Variants in PPIP5K2 observed in about 807,000 individuals in gnomAD.
PPIP5K2 encodes the protein diphosphoinositol pentakisphosphate kinase 2.
Under a neutral mutation model 154.6 loss-of-function variants are expected in PPIP5K2, and 105 were observed. The ratio of observed to expected loss-of-function variants is 0.68; its 90% CI spans 0.58 to 0.80. The LOEUF is 0.80. Among genes scored for constraint, PPIP5K2 ranks in the 30% least tolerant of loss-of-function variants. The probability of loss-of-function intolerance (pLI) is 0.00; values close to 1 mark genes in which losing one functional copy is unlikely to be tolerated. For synonymous variants in PPIP5K2, 480 were observed against 490.3 expected (o/e 0.98, Z 0.28); for missense variants, 992 against 1,504.6 (o/e 0.66, Z 5.64).
intron 5 of PPIP5K2, among the ~76,000 whole-genome samples, chr5:103,142,775 C>CAAAA (rs70990422): frequency 3.6e-5 from 5 of 138,208 alleles, no homozygotes; most frequent in African/African-American, 1.1e-4. Flanking sequence ...GACTCCGTCT[C>CAAAA]AAAAAAAAAA....
At position 103,205,014 on chromosome 5, in the gene PPIP5K2, C is replaced by G. The variant is rs986355977; in HGVS notation, c.*3380C>G. On this transcript the variant is annotated 3_prime_UTR_variant, in exon 31 of 31. Transcript: ENST00000358359. ...ATGCTATCCCTCCCCCAGCCCCCCA[C>G]CCACTGACAGGCCCAGTGTGTGATG... 6.6e-6 allele frequency: 1 copy of G among 151,998 alleles called. No individual in the cohort carries two copies. The highest frequency in any genetic ancestry group is 1.5e-5 in the Non-Finnish European group (1 of 68,032). The allele number at this position is 151,998 out of a possible 1,614,324, so 9.4% of individuals were successfully genotyped here.
At chr5:103,125,453 T>C (rs1373961939) in intron 1 of PPIP5K2, among the ~76,000 whole-genome samples, 1 of 137,520 alleles carries the variant, frequency 7.3e-6, no homozygotes, top group African/African-American at 2.7e-5. Context: ...CACTAGCCTG[T>C]TCAGTTTTTT....
At chr5:103,199,850 T>TTA (rs1802698240) in intron 30 of PPIP5K2, among the ~76,000 whole-genome samples, 1 of 152,206 alleles carries the variant, frequency 6.6e-6, no homozygotes. Flanking sequence ...CGTTATAAAC[T>TTA]TATGTTTCTT....
chr5:103,186,526 A>G (rs1163852334), intron 27 of PPIP5K2, 87 bp downstream of exon 27: 1 of 1,555,920 alleles, frequency 6.4e-7, no homozygotes, highest in Non-Finnish European at 8.8e-7. Flanking sequence ...ATCTAAGGCC[A>G]CTGACTGATT....
chr5:103,193,282 T>C (rs1554227452), intron 29 of PPIP5K2, among the ~76,000 whole-genome samples: 1 of 152,122 alleles, frequency 6.6e-6, no homozygotes, highest in Non-Finnish European at 1.5e-5. Flanking sequence ...ACTGTAGGAA[T>C]ACTATTTATT....
intron 28 of PPIP5K2, among the ~76,000 whole-genome samples, chr5:103,188,164 C>A (rs1355268394): frequency 6.6e-6 from 1 of 152,114 alleles, no homozygotes; most frequent in Non-Finnish European, 1.5e-5. Context: ...ATTACAACTT[C>A]TAACATAGAG....
chr5:103,152,604 C>T lies in PPIP5K2; in HGVS notation c.1029-44C>T, dbSNP rs782447391. 4 of 1,296,206 alleles carry T rather than the reference C, an allele frequency of 3.1e-6. No individual in the cohort carries two copies. The Admixed American group carries it at 6.9e-5, about 22-fold the overall frequency. The allele number at this position is 1,296,206 out of a possible 1,614,324, so 80.3% of individuals were successfully genotyped here. The stretch of plus-strand genomic sequence containing the variant: ...ATCCTCATTAAGTACCCAGTTTTGT[C>T]TTAAAACGTACTAATTTTAAATCTT... On this transcript the variant is annotated intron_variant, in intron 9 of 30. Coordinates refer to ENST00000358359, the MANE Select transcript of PPIP5K2 (RefSeq NM_001276277.3).
chr5:103,168,060 A>G lies in PPIP5K2; in HGVS notation c.2063-12A>G, dbSNP rs541586070. The stretch of plus-strand genomic sequence containing the variant: ...TTAAGTTGCATAAACTAAAAATGTT[A>G]TGTTGTTTTAGATATTCAGCTTTAC... On this transcript the variant is annotated splice_polypyrimidine_tract_variant and intron_variant, in intron 18 of 30. Coordinates refer to ENST00000358359, the MANE Select transcript of PPIP5K2 (RefSeq NM_001276277.3). The G allele has an allele frequency of 3.3e-6, 5 of 1,538,424 alleles. No homozygotes were observed. In the South Asian group the frequency reaches 5.9e-5, roughly 18 times the overall value.
rs1387824470 is a variant in PPIP5K2, at chr5:103,152,741, T to C, written c.1122T>C (p.Ser374=). The part of the protein sequence containing the change: ...AEDIPIVPTT[S]GTMMELRCVI... ...ATATCCCAATTGTACCAACTACATC[T>C]GGAACTATGTAAGTCTGAATTATTT... is the stretch of plus-strand genomic sequence containing the variant. Residue 374 remains serine (S), a synonymous_variant, in exon 10 of 31, where the codon TCT becomes TCC. Coordinates refer to ENST00000358359, the MANE Select transcript of PPIP5K2 (RefSeq NM_001276277.3). 7 of 1,546,570 alleles carry C rather than the reference T, an allele frequency of 4.5e-6. No homozygotes were observed. In the African/African-American group the frequency reaches 8.2e-5, roughly 18 times the overall value.
At chr5:103,153,505 A>ATTTGATTTAATTAG (rs1291186591) in intron 10 of PPIP5K2, among the ~76,000 whole-genome samples, 4 of 151,946 alleles carry the variant, frequency 2.6e-5, no homozygotes, top group Non-Finnish European at 5.9e-5. Flanking sequence ...ATGAAGTCTC[A>ATTTGATTTAATTAG]GTCTGTAGTG....
At chr5:103,162,683 A>C (rs1796488272) in intron 17 of PPIP5K2, among the ~76,000 whole-genome samples, 2 of 152,116 alleles carry the variant, frequency 1.3e-5, no homozygotes, top group African/African-American at 4.8e-5. Context: ...TTTGATAAGC[A>C]AAAGTTATAG....
chr5:103,177,346 C>G (rs185809251), intron 21 of PPIP5K2, among the ~76,000 whole-genome samples: 5 of 151,878 alleles, frequency 3.3e-5, no homozygotes, highest in Admixed American at 3.3e-4. Context: ...ATCTGAAAAC[C>G]CAAAATTCTC....
At chr5:103,171,513 T>G (rs1394645187) in intron 19 of PPIP5K2, among the ~76,000 whole-genome samples, 1 of 151,560 alleles carries the variant, frequency 6.6e-6, no homozygotes, top group Admixed American at 6.6e-5. Flanking sequence ...GCACAAATAT[T>G]GAAACTACAT....
intron 30 of PPIP5K2, among the ~76,000 whole-genome samples, chr5:103,198,824 T>C (rs1041159952): frequency 6.6e-6 from 1 of 152,192 alleles, no homozygotes; most frequent in African/African-American, 2.4e-5. Context: ...TACTTTCTTA[T>C]GTTTTCTGTT....
At chr5:103,167,711 A>AT (rs1384700175) in intron 18 of PPIP5K2, among the ~76,000 whole-genome samples, 12 of 151,864 alleles carry the variant, frequency 7.9e-5, no homozygotes, top group Admixed American at 6.6e-4. Flanking sequence ...CATTTGGACT[A>AT]TTTTTAATGT....
At chr5:103,150,622 A>T (rs1386718612) in intron 8 of PPIP5K2, among the ~76,000 whole-genome samples, 2 of 151,898 alleles carry the variant, frequency 1.3e-5, no homozygotes, top group African/African-American at 4.8e-5. Flanking sequence ...AAAATACAAA[A>T]ATTAGCCTTG....
chr5:103,147,913 G>A lies in PPIP5K2; in HGVS notation c.643-18G>A. The A allele has an allele frequency of 6.7e-7, 1 of 1,487,610 alleles. No homozygotes were observed. The highest frequency in any genetic ancestry group is 1.8e-4 in the Middle Eastern group (1 of 5,678). The allele number at this position is 1,487,610 out of a possible 1,614,324, so 92.2% of individuals were successfully genotyped here. A position where few individuals can be genotyped will look rare whatever the true frequency, so the allele number is the denominator to read the frequency against. ...AATAATTTGCTTTTTTATATCGATG[G>A]ACATCTTTTGTTTTCAGATTGGCAG... is the stretch of plus-strand genomic sequence containing the variant. On this transcript the variant is annotated intron_variant, in intron 6 of 30. Coordinates refer to ENST00000358359, the MANE Select transcript of PPIP5K2 (RefSeq NM_001276277.3).
chr5:103,194,171 G>GT (rs1315725277), intron 29 of PPIP5K2, among the ~76,000 whole-genome samples: 1 of 151,196 alleles, frequency 6.6e-6, no homozygotes, highest in East Asian at 1.9e-4. Flanking sequence ...CTGTCTCTTT[G>GT]TTTTTTTTCC....
chr5:103,188,919 A>G (rs782040174), intron 28 of PPIP5K2: 25 of 363,958 alleles, frequency 6.9e-5, no homozygotes, highest in African/African-American at 2.1e-4. Flanking sequence ...ATTCTTTTCT[A>G]TTCTACAAAT....
Sources: gnomAD v4.1 joint callset for allele counts (sites outside exome capture counted in the v4.1 genomes callset) on GRCh38, gnomAD v4.1.1 for gene constraint, MANE v1.5 for transcripts, NCBI Gene and HGNC (gene_info 2026-07-23, HGNC 2026-07-21) for gene names.